GUF1: variants seen among roughly 807,000 people sequenced by gnomAD.
GUF1 encodes GTP binding elongation factor GUF1.
A neutral mutation model predicts 82.4 loss-of-function variants in GUF1; 78 were observed. That is an observed-to-expected ratio of 0.95 (90% CI 0.79 to 1.14). The LOEUF is 1.14. Ranked by LOEUF, GUF1 falls within the 50% of genes most tolerant of loss-of-function variation. The pLI, the probability that GUF1 is intolerant of heterozygous loss-of-function variation, is 0.00. For synonymous variants in GUF1, 279 were observed against 282.3 expected, an observed-to-expected ratio of 0.99 and a Z score of 0.12; for missense variants, 814 against 798.2, an observed-to-expected ratio of 1.02 and a Z score of -0.24.
chr4:44,683,622 G>A (rs1302329566), intron 6 of GUF1, among the ~76,000 whole-genome samples: 1 of 152,020 alleles, frequency 6.6e-6, no homozygotes, highest in Non-Finnish European at 1.5e-5. Context: ...GAAACTCCCT[G>A]CAGTATTTCT....
intron 4 of GUF1, 76 bp downstream of exon 4, chr4:44,681,279 G>A: frequency 9.3e-7 from 1 of 1,076,806 alleles, no homozygotes; most frequent in African/African-American, 1.6e-5. Context: ...TTTAAAATGT[G>A]TTTTGGAAAT....
intron 10 of GUF1, among the ~76,000 whole-genome samples, 177 bp from the exon 11 acceptor site, chr4:44,689,666 C>G (rs1242143609): frequency 6.6e-6 from 1 of 151,424 alleles, no homozygotes; most frequent in African/African-American, 2.4e-5. Flanking sequence ...AAAATAGATT[C>G]CCAATGGAAG....
chr4:44,684,150 T>C (rs992264159), intron 6 of GUF1, among the ~76,000 whole-genome samples: 2 of 152,118 alleles, frequency 1.3e-5, no homozygotes, highest in Admixed American at 6.6e-5. Context: ...ATAGGAATTA[T>C]TGACTAGGAT....
chr4:44,697,007 C>T (rs1715869263), intron 15 of GUF1, among the ~76,000 whole-genome samples: 1 of 152,038 alleles, frequency 6.6e-6, no homozygotes, highest in African/African-American at 2.4e-5. Context: ...TCAGTAGAGG[C>T]AGTAATAAGA....
At chr4:44,696,466 T>A (rs1284323524) in intron 15 of GUF1, among the ~76,000 whole-genome samples, 1 of 152,164 alleles carries the variant, frequency 6.6e-6, no homozygotes, top group Non-Finnish European at 1.5e-5. Context: ...AATAAGCTGC[T>A]CTGCTTGTGA....
In GUF1 at chr4:44,680,504, G is replaced by A. The variant is rs372505762; in HGVS notation, c.229G>A (p.Val77Met). ...NIRNFSIVAH[V>M]DHGKSTLADR... ...TAGAAATTTCAGTATTGTTGCACAC[G>A]TGGATCATGGCAAAAGTACTTTAGC... The change falls in exon 2 of 17, where the codon GTG (valine) becomes ATG (methionine). Residue 77 changes from valine to methionine, a missense_variant. Physicochemically the swap from Val to Met is conservative, Grantham distance 21. Coordinates refer to ENST00000281543, the MANE Select transcript of GUF1 (RefSeq NM_021927.3). 19 of 1,609,842 alleles carry A rather than the reference G, an allele frequency of 1.2e-5. No homozygotes were observed. Among genetic ancestry groups the A allele is most frequent in the African/African-American group, 1.1e-4 (8 of 74,732 alleles).
chr4:44,690,448 G>C lies in GUF1; in HGVS notation c.1336-269G>C, dbSNP rs559754365. On this transcript the variant is annotated intron_variant, in intron 11 of 16. Transcript: ENST00000281543. ...TCATTTTAAACAAATACTAATTTTGGCAATCTAAATATTTTCCAACAAAAT... is the reference window on the plus strand; with the variant it reads ...TCATTTTAAACAAATACTAATTTTGCCAATCTAAATATTTTCCAACAAAAT... 3.3e-5 allele frequency among the ~76,000 whole-genome samples: 5 copies of C among 151,696 alleles called. No homozygotes were observed. The South Asian group carries it at 8.3e-4, about 25-fold the overall frequency.
intron 8 of GUF1, 71 bp downstream of exon 8, chr4:44,686,784 G>T: frequency 9.9e-7 from 1 of 1,015,222 alleles, no homozygotes; most frequent in East Asian, 2.4e-5. Context: ...TTCTCAACTT[G>T]GTATGCTTAG....
rs751498710 is a variant in GUF1, at chr4:44,678,574, C to G, written c.-49C>G. On this transcript the variant is annotated 5_prime_UTR_variant, in exon 1 of 17. Coordinates refer to ENST00000281543, the MANE Select transcript of GUF1 (RefSeq NM_021927.3). ...TACCTTCGAAAAAAAACGGGCTATG[C>G]TGCTGTTGCGTGTGGGTACCCTCTC... 7.1e-7 allele frequency: 1 copy of G among 1,405,918 alleles called. No homozygotes were observed. Among genetic ancestry groups the G allele is most frequent in the East Asian group, 2.8e-5 (1 of 35,456 alleles). The allele number at this position is 1,405,918 out of a possible 1,614,324, so 87.1% of individuals were successfully genotyped here. A position where few individuals can be genotyped will look rare whatever the true frequency, so the allele number is the denominator to read the frequency against.
At position 44,683,334 on chromosome 4, in the gene GUF1, A is replaced by T; in HGVS notation, c.669+16A>T. 3 of 1,412,836 alleles carry T rather than the reference A, an allele frequency of 2.1e-6. No homozygotes were observed. Among genetic ancestry groups the T allele is most frequent in the Non-Finnish European group, 2.9e-6 (3 of 1,034,114 alleles). The allele number at this position is 1,412,836 out of a possible 1,614,324, so 87.5% of individuals were successfully genotyped here. ...ATGTATTAAGGTAAAATACGTTCCT[A>T]AAAAGATTATACTTTGAAAAAAGTC... On this transcript the variant is annotated intron_variant, in intron 6 of 16. Coordinates refer to ENST00000281543, the MANE Select transcript of GUF1 (RefSeq NM_021927.3).
intron 6 of GUF1, among the ~76,000 whole-genome samples, chr4:44,685,346 G>C (rs548690970): frequency 1.6e-4 from 24 of 152,160 alleles, no homozygotes; most frequent in Admixed American, 1.1e-3. Flanking sequence ...AGAATTATCT[G>C]GCCCAAAATG....
At chr4:44,689,792 A>AG (rs397689200) in intron 10 of GUF1, 51 bp from the exon 11 acceptor site, 3 of 1,450,414 alleles carry the variant, frequency 2.1e-6, no homozygotes, top group African/African-American at 2.9e-5. Context: ...AAAAAAAAAA[A>AG]TGAAGCCCAT....
chr4:44,697,513 T>G lies in GUF1; in HGVS notation c.1872+69T>G, dbSNP rs1244499483. 7.9e-6 allele frequency: 6 copies of G among 755,466 alleles called. No homozygotes were observed. In the African/African-American group the frequency reaches 1.1e-4, roughly 14 times the overall value. The allele number at this position is 755,466 out of a possible 1,614,324, so 46.8% of individuals were successfully genotyped here. On this transcript the variant is annotated intron_variant, in intron 16 of 16. Coordinates refer to ENST00000281543, the MANE Select transcript of GUF1 (RefSeq NM_021927.3). ...GCTTTAAATCAAAGGGGGCATAAACTTATTGATTTCCATTGTTGGTTTTTA... is the reference window on the plus strand; with the variant it reads ...GCTTTAAATCAAAGGGGGCATAAACGTATTGATTTCCATTGTTGGTTTTTA...
rs766476151 is a variant in GUF1 at position 44,678,795 on chromosome 4, C to A, written c.165+8C>A. On this transcript the variant is annotated splice_region_variant and intron_variant, in intron 1 of 16. Coordinates refer to ENST00000281543, the MANE Select transcript of GUF1 (RefSeq NM_021927.3). ...AGCTCCGCAGAATTCAAGGTGACTG[C>A]CCCCTGGAATCTGATTTAGCCAAGT... 3 of 1,548,490 alleles carry A rather than the reference C, an allele frequency of 1.9e-6. No homozygotes were observed. The highest frequency in any genetic ancestry group is 2.6e-6 in the Non-Finnish European group (3 of 1,155,016).
intron 6 of GUF1, among the ~76,000 whole-genome samples, chr4:44,684,477 A>G (rs1714941465): frequency 6.6e-6 from 1 of 152,108 alleles, no homozygotes; most frequent in South Asian, 2.1e-4. Flanking sequence ...TGTGCTGAAG[A>G]GCTTGAAAAT....
intron 10 of GUF1, 104 bp from the exon 11 acceptor site, chr4:44,689,739 C>T (rs1715304030): frequency 1.1e-6 from 1 of 940,320 alleles, no homozygotes; most frequent in Non-Finnish European, 1.5e-6. Flanking sequence ...GTTTGAATGA[C>T]TTAATTCCAT....
intron 15 of GUF1, among the ~76,000 whole-genome samples, chr4:44,696,377 T>C (rs1162728075): frequency 6.6e-6 from 1 of 152,170 alleles, no homozygotes; most frequent in Non-Finnish European, 1.5e-5. Flanking sequence ...GGCAGGAGTA[T>C]TGCTGTGAGA....
intron 4 of GUF1, 33 bp downstream of exon 4, chr4:44,681,236 G>C (rs1448968619): frequency 7.0e-7 from 1 of 1,428,170 alleles, no homozygotes; most frequent in African/African-American, 1.4e-5. Flanking sequence ...GATGTGATAT[G>C]ACATGACTAT....
chr4:44,692,407 T>G (rs79484186), intron 13 of GUF1, among the ~76,000 whole-genome samples: 4,901 of 151,668 alleles, frequency 0.032, 177 homozygotes, highest in East Asian at 0.1. Context: ...GAGGCTGTTT[T>G]TTGTTGTTGT....
Sources: allele counts gnomAD v4.1 joint callset (sites outside exome capture counted in the v4.1 genomes callset), GRCh38; gene constraint gnomAD v4.1.1; transcripts MANE v1.5; gene names NCBI Gene and HGNC (gene_info 2026-07-23, HGNC 2026-07-21).